Variants in PTPRM observed in about 807,000 individuals in gnomAD.
PTPRM encodes receptor-type tyrosine-protein phosphatase mu.
A neutral mutation model predicts 186.7 loss-of-function variants in PTPRM; 47 were observed. The ratio of observed to expected loss-of-function variants is 0.25; its 90% CI spans 0.20 to 0.32. The LOEUF is 0.32. PTPRM is among the 10% of genes least tolerant of loss of function. The pLI is 1.00. For missense variants in PTPRM, 1,494 were observed against 1,865.0 expected (o/e 0.80, Z 3.66); for synonymous variants, 668 against 674.9 (o/e 0.99, Z 0.16).
rs199852370 is a variant in PTPRM, at chr18:8,307,228, CT to C, written c.2843-7551del. ...GAGTGATGGTGATACTTACCTATTT[CT>C]TGTATTCTGGAAGACATAGGGATTA... On this transcript the variant is annotated intron_variant, in intron 20 of 32. Coordinates refer to ENST00000580170, the MANE Select transcript of PTPRM (RefSeq NM_001105244.2). 2.6e-5 allele frequency among the ~76,000 whole-genome samples: 4 copies of C among 152,250 alleles called. No homozygotes were observed. The East Asian group carries it at 7.7e-4, about 29-fold the overall frequency.
intron 8 of PTPRM, among the ~76,000 whole-genome samples, chr18:8,070,725 T>C (rs1320094021): frequency 6.6e-6 from 1 of 152,204 alleles, no homozygotes. Context: ...GACATATTCA[T>C]ATAGTACATA....
At chr18:8,183,224 T>G (rs897390275) in intron 14 of PTPRM, among the ~76,000 whole-genome samples, 1 of 152,214 alleles carries the variant, frequency 6.6e-6, no homozygotes, top group African/African-American at 2.4e-5. Flanking sequence ...GTATGTCACT[T>G]TTTTTTCTTG....
intron 2 of PTPRM, among the ~76,000 whole-genome samples, chr18:7,860,579 T>C (rs2047328943): frequency 6.6e-6 from 1 of 152,188 alleles, no homozygotes; most frequent in African/African-American, 2.4e-5. Context: ...CTTTCCAAGC[T>C]CAGGAATCAT....
chr18:8,237,942 C>T (rs34859607), intron 14 of PTPRM, among the ~76,000 whole-genome samples: 1 of 151,892 alleles, frequency 6.6e-6, no homozygotes, highest in African/African-American at 2.4e-5. Flanking sequence ...CTGTAAGTAA[C>T]GTGTTTTCCC....
rs371297095 is a variant in PTPRM at position 8,380,436 on chromosome 18, C to T, written c.3918+9C>T. On this transcript the variant is annotated intron_variant, in intron 29 of 32. Coordinates refer to ENST00000580170, the MANE Select transcript of PTPRM (RefSeq NM_001105244.2). ...ATGTGGATCCTGCCCAGGTGAGACC[C>T]GGACTTCTTACAGTCAGAACTAGTG... The T allele has an allele frequency of 3.9e-5, 63 of 1,613,944 alleles. No homozygotes were observed. The highest frequency in any genetic ancestry group is 3.3e-4 in the Middle Eastern group (2 of 6,084).
chr18:7,622,246 CT>C lies in PTPRM; in HGVS notation c.73+54364del, dbSNP rs199674079. Among the ~76,000 whole-genome samples, 11 of 151,112 alleles carry C rather than the reference CT, an allele frequency of 7.3e-5. No individual in the cohort carries two copies. In the East Asian group the frequency reaches 1.2e-3, roughly 16 times the overall value. On this transcript the variant is annotated intron_variant, in intron 1 of 32. Transcript: ENST00000580170. ...TTCTGAAATACGTAGTGTATTTGTT[CT>C]TTTTTTTTGGTTTAAGAATCCTAAA...
chr18:8,181,400 T>G (rs1233865600), intron 14 of PTPRM, among the ~76,000 whole-genome samples: 1 of 152,210 alleles, frequency 6.6e-6, no homozygotes, highest in East Asian at 1.9e-4. Flanking sequence ...GAGTGGCTTC[T>G]GCTGAGCCTA....
chr18:7,906,129 T>A (rs2049968867), intron 3 of PTPRM, among the ~76,000 whole-genome samples: 1 of 152,156 alleles, frequency 6.6e-6, no homozygotes, highest in Admixed American at 6.5e-5. Flanking sequence ...TATCTTGGTG[T>A]CCCCATCTTC....
intron 1 of PTPRM, among the ~76,000 whole-genome samples, chr18:7,654,886 T>C (rs1598307215): frequency 1.3e-5 from 2 of 152,228 alleles, no homozygotes; most frequent in East Asian, 1.9e-4. Flanking sequence ...GGTAGCATGA[T>C]GCCTCTAGAT....
chr18:8,147,942 A>G (rs182674749), intron 14 of PTPRM, among the ~76,000 whole-genome samples: 228 of 152,304 alleles, frequency 1.5e-3, no homozygotes, highest in Admixed American at 3.7e-3. Context: ...GTGATGGGTT[A>G]CGTTTATTGA....
chr18:7,740,202 CT>C (rs1333817809), intron 1 of PTPRM, among the ~76,000 whole-genome samples: 1 of 152,114 alleles, frequency 6.6e-6, no homozygotes, highest in Non-Finnish European at 1.5e-5. Flanking sequence ...CAGCTCCAAG[CT>C]TGAAGCAGGC....
chr18:7,726,151 G>A lies in PTPRM; in HGVS notation c.74-47998G>A, dbSNP rs139971280. On this transcript the variant is annotated intron_variant, in intron 1 of 32. Transcript: ENST00000580170. Reference sequence around the variant, plus strand: ...AATTCGCCCCTGCCAGCACCAGCACGAGTGCACTCCATTTCCCGCCTGTGA... The same window carrying A: ...AATTCGCCCCTGCCAGCACCAGCACAAGTGCACTCCATTTCCCGCCTGTGA... Among the ~76,000 whole-genome samples the A allele has an allele frequency of 2.6e-5, 4 of 152,232 alleles. No homozygotes were observed. In the East Asian group the frequency reaches 7.7e-4, roughly 29 times the overall value.
chr18:7,842,887 G>GTA (rs1555616839), intron 2 of PTPRM, among the ~76,000 whole-genome samples: 7,773 of 126,862 alleles, frequency 0.061, 943 homozygotes, highest in African/African-American at 0.23. Flanking sequence ...TTTCTCGTGT[G>GTA]TATATATATA....
Position 7,642,848 on chromosome 18 carries a change from T to TAA in PTPRM, c.73+74975_73+74976dup, listed in dbSNP as rs558868777. On this transcript the variant is annotated intron_variant, in intron 1 of 32. Coordinates refer to ENST00000580170, the MANE Select transcript of PTPRM (RefSeq NM_001105244.2). ...CAAGACTTCAGTAAGAGCCTTTACT[T>TAA]AAAAAAAAAAAAAAAAAAAGAAGAA... Among the ~76,000 whole-genome samples, 8 of 127,190 alleles carry TAA rather than the reference T, an allele frequency of 6.3e-5. No homozygotes were observed. The South Asian group carries it at 7.5e-4, about 12-fold the overall frequency. 83.4% of individuals were successfully genotyped at this position (127,190 alleles called of 152,430 possible).
intron 1 of PTPRM, among the ~76,000 whole-genome samples, chr18:7,629,796 CAA>C (rs1023738722): frequency 6.6e-6 from 1 of 152,006 alleles, no homozygotes; most frequent in African/African-American, 2.4e-5. Flanking sequence ...CCCACACACT[CAA>C]AATACACATC....
chr18:7,984,557 C>CATATATATATGCCCCATATATATAT (rs1324491134), intron 7 of PTPRM, among the ~76,000 whole-genome samples: 1 of 119,564 alleles, frequency 8.4e-6, no homozygotes, highest in South Asian at 2.6e-4. Context: ...ATATATGCCC[C>CATATATATATGCCCCATATATATAT]ATATATATAT....
chr18:8,285,362 G>A lies in PTPRM; in HGVS notation c.2755-11006G>A, dbSNP rs568145685. ...TCCTACATCTCATTCTTTTGCCTCA[G>A]CACCACTTAAGCCAAGGTGAGACAG... On this transcript the variant is annotated intron_variant, in intron 19 of 32. Transcript: ENST00000580170. 2.4e-4 allele frequency among the ~76,000 whole-genome samples: 36 copies of A among 152,270 alleles called. 1 individual carries two copies. The South Asian group carries it at 7.5e-3, about 32-fold the overall frequency.
chr18:8,304,938 G>A (rs2095205239), intron 20 of PTPRM, among the ~76,000 whole-genome samples: 6 of 151,024 alleles, frequency 4.0e-5, no homozygotes, highest in Admixed American at 3.3e-4. Context: ...AAATCATAAA[G>A]ATGATAATAA....
chr18:8,043,199 A>T (rs2086800438), intron 7 of PTPRM, among the ~76,000 whole-genome samples: 2 of 152,108 alleles, frequency 1.3e-5, no homozygotes, highest in African/African-American at 4.8e-5. Context: ...TCAGATCCTA[A>T]CTTATTAGCC....
Sources: allele counts gnomAD v4.1 joint callset (sites outside exome capture counted in the v4.1 genomes callset), GRCh38; gene constraint gnomAD v4.1.1; transcripts MANE v1.5; gene names NCBI Gene and HGNC (gene_info 2026-07-23, HGNC 2026-07-21).